ACAT1: variants seen among roughly 807,000 people sequenced by gnomAD.
The protein encoded by ACAT1 is acetyl-CoA acetyltransferase, mitochondrial.
Under a neutral mutation model 47.3 loss-of-function variants are expected in ACAT1, and 28 were observed. The ratio of observed to expected loss-of-function variants is 0.59; its 90% CI spans 0.44 to 0.81. The LOEUF is 0.81. ACAT1 is among the 30% of genes least tolerant of loss of function. The probability of loss-of-function intolerance (pLI) is 0.00; values close to 1 mark genes in which losing one functional copy is unlikely to be tolerated. For synonymous variants in ACAT1, 181 were observed against 173.6 expected (o/e 1.04, Z -0.34); for missense variants, 469 against 524.3 (o/e 0.89, Z 1.03).
At chr11:108,123,929 T>TA (rs1032274391) in intron 1 of ACAT1, among the ~76,000 whole-genome samples, 25 of 151,742 alleles carry the variant, frequency 1.6e-4, no homozygotes, top group Non-Finnish European at 3.1e-4. Context: ...TACTCAGACT[T>TA]AAAAAAAAAT....
At chr11:108,133,419 G>C (rs1193810719) in intron 2 of ACAT1, among the ~76,000 whole-genome samples, 5 of 152,006 alleles carry the variant, frequency 3.3e-5, no homozygotes, top group African/African-American at 1.2e-4. Context: ...TGAGGAGTTT[G>C]AGCTGCAATG....
Position 108,140,059 on chromosome 11 carries a change from T to C in ACAT1, c.580-6T>C, listed in dbSNP as rs2077555728. On this transcript the variant is annotated splice_region_variant and splice_polypyrimidine_tract_variant and intron_variant, in intron 6 of 11. Coordinates refer to ENST00000265838, the MANE Select transcript of ACAT1 (RefSeq NM_000019.4). Reference sequence around the variant, plus strand: ...TTAACTTTAAAATATTTCAACTTTTTATCAGGGCAGCTGTGCTGAGAATAC... The same window carrying C: ...TTAACTTTAAAATATTTCAACTTTTCATCAGGGCAGCTGTGCTGAGAATAC... 1 of 1,613,044 alleles carries C rather than the reference T, an allele frequency of 6.2e-7. No individual in the cohort carries two copies. The highest frequency in any genetic ancestry group is 2.2e-5 in the East Asian group (1 of 44,824).
upstream of ACAT1, among the ~76,000 whole-genome samples, chr11:108,117,784 A>C (rs1261622067): frequency 6.6e-6 from 1 of 152,186 alleles, no homozygotes; most frequent in Non-Finnish European, 1.5e-5. Context: ...GTTTTTCTTA[A>C]ATGTTTTTAA....
intron 2 of ACAT1, 49 bp downstream of exon 2, chr11:108,132,003 G>T: frequency 8.1e-7 from 1 of 1,235,530 alleles, no homozygotes. Flanking sequence ...TAAAGGAAAT[G>T]TCAATAAAAA....
upstream of ACAT1, among the ~76,000 whole-genome samples, chr11:108,121,079 T>C (rs1029057781): frequency 1.3e-5 from 2 of 151,978 alleles, no homozygotes; most frequent in Non-Finnish European, 2.9e-5. Flanking sequence ...CTTTCGCCTG[T>C]AGTCTCAGCT....
chr11:108,122,523 T>C (rs1270382218), intron 1 of ACAT1, among the ~76,000 whole-genome samples: 1 of 152,212 alleles, frequency 6.6e-6, no homozygotes, highest in Admixed American at 6.5e-5. Flanking sequence ...ATTGTTGATA[T>C]GTTTGTTTTT....
upstream of ACAT1, among the ~76,000 whole-genome samples, chr11:108,118,175 T>C (rs552285574): frequency 1.3e-5 from 2 of 152,244 alleles, no homozygotes; most frequent in Admixed American, 1.3e-4. Context: ...CCCAGCACTT[T>C]GGGAGACTGA....
chr11:108,122,983 G>GCCCTCCCAAA (rs2077179197), intron 1 of ACAT1, among the ~76,000 whole-genome samples: 1 of 152,162 alleles, frequency 6.6e-6, no homozygotes, highest in Admixed American at 6.5e-5. Flanking sequence ...CCAGCACTTT[G>GCCCTCCCAAA]GGAGGCCGGG....
chr11:108,119,392 TG>T (rs1445055619), upstream of ACAT1, among the ~76,000 whole-genome samples: 2 of 151,966 alleles, frequency 1.3e-5, no homozygotes, highest in African/African-American at 4.8e-5. Flanking sequence ...TTAGTAGAGA[TG>T]GGGTTTTGCT....
At chr11:108,131,578 C>A (rs2077360774) in intron 1 of ACAT1, among the ~76,000 whole-genome samples, 1 of 151,824 alleles carries the variant, frequency 6.6e-6, no homozygotes, top group African/African-American at 2.4e-5. Flanking sequence ...TCTTGAACTC[C>A]TGACCTCAGG....
rs1044212370 is a variant in ACAT1, at chr11:108,147,571, C to A, written c.*181C>A. 2.4e-6 allele frequency: 2 copies of A among 827,344 alleles called. No individual in the cohort carries two copies. Among genetic ancestry groups the A allele is most frequent in the South Asian group, 1.8e-5 (1 of 56,464 alleles). The allele number at this position is 827,344 out of a possible 1,614,324, so 51.3% of individuals were successfully genotyped here. A position where few individuals can be genotyped will look rare whatever the true frequency, so the allele number is the denominator to read the frequency against. On this transcript the variant is annotated 3_prime_UTR_variant, in exon 12 of 12. Transcript: ENST00000265838. ...ACATTTTGAAATTAAAAATAAATTT[C>A]TTCTTCTGCTTTTTTCTTGGTAACC...
At chr11:108,123,410 C>T (rs1482786622) in intron 1 of ACAT1, among the ~76,000 whole-genome samples, 3 of 152,154 alleles carry the variant, frequency 2.0e-5, no homozygotes, top group African/African-American at 7.2e-5. Flanking sequence ...TTCCAGTTTT[C>T]TGTGCTATTT....
chr11:108,138,200 T>C (rs906151834), intron 5 of ACAT1, among the ~76,000 whole-genome samples: 2 of 151,638 alleles, frequency 1.3e-5, no homozygotes, highest in Admixed American at 6.6e-5. Flanking sequence ...TTAGCCAGGA[T>C]GGTCTCGATT....
upstream of ACAT1, chr11:108,121,238 T>G: frequency 2.9e-6 from 1 of 345,946 alleles, no homozygotes. Flanking sequence ...TTTTCATGAG[T>G]TTGTGCTGGG....
intron 1 of ACAT1, among the ~76,000 whole-genome samples, chr11:108,123,206 C>T (rs1450460520): frequency 6.6e-6 from 1 of 152,010 alleles, no homozygotes; most frequent in Non-Finnish European, 1.5e-5. Flanking sequence ...CCACTGCACT[C>T]CAGCCTGGGC....
chr11:108,132,576 C>T (rs547067186), intron 2 of ACAT1, among the ~76,000 whole-genome samples: 66 of 151,848 alleles, frequency 4.3e-4, no homozygotes, highest in African/African-American at 1.4e-3. Context: ...GGCTCTGGGC[C>T]GGGTGCGGTG....
intron 5 of ACAT1, chr11:108,136,384 G>A (rs1374781411): frequency 3.3e-6 from 1 of 299,522 alleles, no homozygotes; most frequent in African/African-American, 2.2e-5. Context: ...TTCCATAAAA[G>A]TTGTACCAGT....
chr11:108,130,375 T>C (rs920167869), intron 1 of ACAT1, among the ~76,000 whole-genome samples: 4 of 152,054 alleles, frequency 2.6e-5, no homozygotes, highest in Admixed American at 2.6e-4. Flanking sequence ...TTTTTTTTTG[T>C]AAGTTTTTAA....
At chr11:108,121,806 C>G (rs1194031989) in intron 1 of ACAT1, 128 bp downstream of exon 1, 2 of 1,060,398 alleles carry the variant, frequency 1.9e-6, no homozygotes, top group Non-Finnish European at 2.7e-6. Context: ...AGGACAGTCA[C>G]GCGACGGGTT....
Sources: gnomAD v4.1 joint callset for allele counts (sites outside exome capture counted in the v4.1 genomes callset) on GRCh38, gnomAD v4.1.1 for gene constraint, MANE v1.5 for transcripts, NCBI Gene and HGNC (gene_info 2026-07-23, HGNC 2026-07-21) for gene names.